Variants in IGDCC3 observed in about 807,000 individuals in gnomAD.
The protein encoded by IGDCC3 is putative neuronal cell adhesion molecule.
A neutral mutation model predicts 72.0 loss-of-function variants in IGDCC3; 47 were observed. That is an observed-to-expected ratio of 0.65 (90% CI 0.52 to 0.83). The LOEUF is 0.83. Ranked by LOEUF, IGDCC3 falls within the 40% of genes least tolerant of loss-of-function variation. IGDCC3 has a pLI of 0.00. For synonymous variants in IGDCC3, 477 were observed against 472.8 expected (o/e 1.01, Z -0.11); for missense variants, 1,038 against 1,091.3 (o/e 0.95, Z 0.69).
rs1356034063 is a variant in IGDCC3 at position 65,329,287 on chromosome 15, A to G, written c.2205+103T>C. On this transcript the variant is annotated intron_variant, in intron 13 of 13. Transcript: ENST00000327987. The surrounding 1 kb of genome is among the most constrained non-coding windows in gnomAD (Gnocchi z 4.1). ...AAAGAGAAGACCTGCAGTTTGACTA[A>G]GGCCAATGATCGAGGCCCGTGGCCA... The G allele has an allele frequency of 6.8e-7, 1 of 1,474,534 alleles. No individual in the cohort carries two copies. Among genetic ancestry groups the G allele is most frequent in the Non-Finnish European group, 9.1e-7 (1 of 1,095,212 alleles). The allele number at this position is 1,474,534 out of a possible 1,614,324, so 91.3% of individuals were successfully genotyped here. A position where few individuals can be genotyped will look rare whatever the true frequency, so the allele number is the denominator to read the frequency against.
At chr15:65,350,179 G>T (rs574276352) in intron 2 of IGDCC3, among the ~76,000 whole-genome samples, 1 of 151,778 alleles carries the variant, frequency 6.6e-6, no homozygotes, top group Non-Finnish European at 1.5e-5. Flanking sequence ...TTGTCCAGTC[G>T]GGAGTGCAGT....
intron 7 of IGDCC3, 52 bp from the exon 8 acceptor site, chr15:65,331,711 A>C: frequency 6.6e-7 from 1 of 1,520,500 alleles, no homozygotes; most frequent in Non-Finnish European, 8.8e-7. Flanking sequence ...AGGTTGACCA[A>C]ATCTCCCCAT....
At chr15:65,361,629 T>TGCGTCACTACAC (rs201629295) in intron 2 of IGDCC3, among the ~76,000 whole-genome samples, 1 of 151,278 alleles carries the variant, frequency 6.6e-6, no homozygotes, top group African/African-American at 2.4e-5. Flanking sequence ...CACAGCAGCC[T>TGCGTCACTACAC]AGAAGAGTAG....
chr15:65,329,039 G>A lies in IGDCC3; in HGVS notation c.2315C>T (p.Ala772Val). 1 of 1,612,700 alleles carries A rather than the reference G, an allele frequency of 6.2e-7. No individual in the cohort carries two copies. The highest frequency in any genetic ancestry group is 1.7e-4 in the Middle Eastern group (1 of 6,056). The change falls in exon 14 of 14, where the codon GCC becomes GTC. Residue 772 changes from alanine to valine, a missense_variant. Transcript: ENST00000327987. This position sits in a 1 kb window ranked among gnomAD's most constrained non-coding sequence, Gnocchi z 4.1. ...CGCCAGGCCGGCGCAGGGAGCCGTG[G>A]CCTCTGTGGTCTTCGCCTCCGTCGT... ...GKTTEAKTTE[A>V]TAPCAGLAAA... is the part of the protein sequence containing the mutation.
intron 2 of IGDCC3, among the ~76,000 whole-genome samples, chr15:65,361,101 C>T (rs2091257233): frequency 6.6e-6 from 1 of 152,064 alleles, no homozygotes; most frequent in Non-Finnish European, 1.5e-5. Context: ...CAAGATTTGC[C>T]CATAAACTTT....
In IGDCC3 at chr15:65,331,213, G is replaced by T. The variant is rs1444938643; in HGVS notation, c.1398C>A (p.Asp466Glu). Residue 466 changes from aspartate to glutamate, a missense_variant and splice_region_variant, in exon 9 of 14, where the codon GAC becomes GAA. By Grantham distance (45) the Asp-to-Glu change is conservative (BLOSUM62 2). Transcript: ENST00000327987. The stretch of plus-strand genomic sequence containing the variant: ...CCTCCTGATACTCCAGCTCCGGTGG[G>T]TCTGGAGAGGCACAGGGTGGGCAGG... ...GYVLHIRKAA[D>E]PPELEYQEAV... is the part of the protein sequence containing the mutation. 2 of 1,613,714 alleles carry T rather than the reference G, an allele frequency of 1.2e-6. No individual in the cohort carries two copies. The highest frequency in any genetic ancestry group is 1.6e-4 in the Middle Eastern group (1 of 6,070).
Position 65,375,189 on chromosome 15 carries a change from C to A in IGDCC3, c.317G>T (p.Gly106Val), listed in dbSNP as rs766312092. The change falls in exon 2 of 14, where the codon GGA becomes GTA. Residue 106 changes from glycine to valine, a missense_variant. Coordinates refer to ENST00000327987, the MANE Select transcript of IGDCC3 (RefSeq NM_004884.4). ...GTCACCTTCATCCGAAGGGCTGCCT[C>A]CCGGCTCCAGCCTGAAGTGACGGAT... ...LMIRHFRLEP[G>V]GSPSDEGDYE... The A allele has an allele frequency of 6.2e-7, 1 of 1,614,250 alleles. No homozygotes were observed. The highest frequency in any genetic ancestry group is 2.2e-5 in the East Asian group (1 of 44,884).
chr15:65,371,197 C>T (rs1396096027), intron 2 of IGDCC3, among the ~76,000 whole-genome samples: 1 of 152,248 alleles, frequency 6.6e-6, no homozygotes, highest in Non-Finnish European at 1.5e-5. Context: ...AACAATAATA[C>T]TTAGCATTTC....
chr15:65,343,861 C>A (rs946549947), intron 2 of IGDCC3, among the ~76,000 whole-genome samples: 1 of 152,212 alleles, frequency 6.6e-6, no homozygotes, highest in Non-Finnish European at 1.5e-5. Flanking sequence ...AACCCTGAAT[C>A]CGGGAGAGGC....
At position 65,363,689 on chromosome 15, in the gene IGDCC3, G is replaced by A. The variant is rs1172908817; in HGVS notation, c.409+11408C>T. Among the ~76,000 whole-genome samples the A allele has an allele frequency of 2.0e-5, 3 of 151,388 alleles. No individual in the cohort carries two copies. The East Asian group carries it at 5.8e-4, about 29-fold the overall frequency. On this transcript the variant is annotated intron_variant, in intron 2 of 13. Coordinates refer to ENST00000327987, the MANE Select transcript of IGDCC3 (RefSeq NM_004884.4). ...CTCCTGCCAGGACCCCTGGGGAGAA[G>A]GAGCCTTCTCAAGCCATTCCAGTTC...
intron 5 of IGDCC3, among the ~76,000 whole-genome samples, 193 bp from the exon 6 acceptor site, chr15:65,333,608 A>T (rs934679789): frequency 1.6e-4 from 25 of 152,202 alleles, no homozygotes; most frequent in African/African-American, 5.5e-4. Context: ...CCTCGCGCCT[A>T]GCAGCGGAGA....
chr15:65,362,543 C>T (rs548451569), intron 2 of IGDCC3, among the ~76,000 whole-genome samples: 3 of 149,564 alleles, frequency 2.0e-5, no homozygotes, highest in Non-Finnish European at 4.5e-5. Flanking sequence ...AAAAGGTGCC[C>T]CCACTGGCAA....
chr15:65,334,543 G>A, intron 5 of IGDCC3, 185 bp downstream of exon 5: 1 of 581,014 alleles, frequency 1.7e-6, no homozygotes, highest in Non-Finnish European at 2.9e-6. Flanking sequence ...TGGGCAGGCG[G>A]GCCTCCCTGG....
chr15:65,336,745 G>A (rs1205632799), intron 2 of IGDCC3, among the ~76,000 whole-genome samples: 1 of 152,034 alleles, frequency 6.6e-6, no homozygotes, highest in East Asian at 1.9e-4. Flanking sequence ...GTGCAGAGGG[G>A]CTGTGGTGCA....
At chr15:65,351,517 G>A (rs183765123) in intron 2 of IGDCC3, among the ~76,000 whole-genome samples, 1 of 144,150 alleles carries the variant, frequency 6.9e-6, no homozygotes, top group East Asian at 2.1e-4. Flanking sequence ...CTGGGCGACA[G>A]AGTGAGACTC....
At chr15:65,346,711 G>A (rs936047719) in intron 2 of IGDCC3, among the ~76,000 whole-genome samples, 6 of 151,910 alleles carry the variant, frequency 3.9e-5, no homozygotes, top group South Asian at 2.1e-4. Flanking sequence ...CGCCTGCCTC[G>A]GCCTCCCAAA....
At position 65,370,558 on chromosome 15, in the gene IGDCC3, GTA is replaced by G. The variant is rs1383197323; in HGVS notation, c.409+4537_409+4538del. 2.3e-4 allele frequency among the ~76,000 whole-genome samples: 29 copies of G among 127,560 alleles called. 1 individual carries two copies. Among genetic ancestry groups the G allele is most frequent in the African/African-American group, 7.6e-4 (25 of 32,954 alleles). The allele number at this position is 127,560 out of a possible 152,430, so 83.7% of individuals were successfully genotyped here. A position where few individuals can be genotyped will look rare whatever the true frequency, so the allele number is the denominator to read the frequency against. Reference sequence around the variant, plus strand: ...TATATTTATATATATATGTGTGTGTGTATATATATATGTATGTATATATATGT... The same window carrying G: ...TATATTTATATATATATGTGTGTGTGTATATATATGTATGTATATATATGT... On this transcript the variant is annotated intron_variant, in intron 2 of 13. Transcript: ENST00000327987.
rs1281026550 is a variant in IGDCC3 at position 65,377,754 on chromosome 15, G to A, written c.35C>T (p.Pro12Leu). The A allele has an allele frequency of 2.3e-6, 3 of 1,312,102 alleles. No homozygotes were observed. The highest frequency in any genetic ancestry group is 1.9e-6 in the Non-Finnish European group (2 of 1,036,654). 81.3% of individuals were successfully genotyped at this position (1,312,102 alleles called of 1,614,324 possible). A position where few individuals can be genotyped will look rare whatever the true frequency, so the allele number is the denominator to read the frequency against. The change falls in exon 1 of 14, where the codon CCG becomes CTG. Residue 12 changes from proline (P) to leucine (L), a missense_variant. Physicochemically the swap from Pro to Leu is moderately conservative, Grantham distance 98 (BLOSUM62 -3). Transcript: ENST00000327987. This position sits in a 1 kb window ranked among gnomAD's most constrained non-coding sequence, Gnocchi z 4.9. ...AVQRAASPRR[P>L]PAPLWPRLLL... Reference sequence around the variant, plus strand: ...GAGCCGGGGCCAGAGCGGGGCGGGCGGGCGGCGCGGAGACGCGGCGCGCTG... The same window carrying A: ...GAGCCGGGGCCAGAGCGGGGCGGGCAGGCGGCGCGGAGACGCGGCGCGCTG...
chr15:65,346,175 C>T (rs1358141652), intron 2 of IGDCC3, among the ~76,000 whole-genome samples: 1 of 152,184 alleles, frequency 6.6e-6, no homozygotes, highest in Non-Finnish European at 1.5e-5. Context: ...GGTGTTATCA[C>T]CCCCACTAAT....
Sources: gnomAD v4.1 joint callset for allele counts (sites outside exome capture counted in the v4.1 genomes callset) on GRCh38, gnomAD v4.1.1 for gene constraint, Gnocchi (gnomAD v3.1) non-coding constraint, MANE v1.5 for transcripts, NCBI Gene and HGNC (gene_info 2026-07-23, HGNC 2026-07-21) for gene names.